The following OLFML2A variants were observed in gnomAD, a reference collection of about 807,000 sequenced individuals.
The protein encoded by OLFML2A is olfactomedin-like protein 2A.
Under a neutral mutation model 60.9 loss-of-function variants are expected in OLFML2A, and 47 were observed. The ratio of observed to expected loss-of-function variants is 0.77; its 90% CI spans 0.61 to 0.98. OLFML2A has a LOEUF of 0.98. Ranked by LOEUF, OLFML2A falls within the 50% of genes least tolerant of loss-of-function variation. OLFML2A has a pLI of 0.00. For synonymous variants in OLFML2A, 372 were observed against 375.0 expected (o/e 0.99, Z 0.09); for missense variants, 922 against 879.8 (o/e 1.05, Z -0.61).
Position 124,810,120 on chromosome 9 carries a change from G to T in OLFML2A, c.1667G>T (p.Gly556Val), listed in dbSNP as rs369456660. 6.2e-7 allele frequency: 1 copy of T among 1,613,680 alleles called. No individual in the cohort carries two copies. The highest frequency in any genetic ancestry group is 8.5e-7 in the Non-Finnish European group (1 of 1,180,018). ...ATCGTCCTGAGTCGCTTGGACCCCG[G>T]CGATCTCTCCGTGCACCGGGAGACC... ...EVIVLSRLDP[G>V]DLSVHRETTW... Residue 556 changes from glycine (G) to valine (V), a missense_variant, in exon 8 of 8, where the codon GGC becomes GTC. Transcript: ENST00000373580.
intron 7 of OLFML2A, 109 bp from the exon 8 acceptor site, chr9:124,809,699 T>A: frequency 7.8e-7 from 1 of 1,290,022 alleles, no homozygotes; most frequent in Non-Finnish European, 1.1e-6. Context: ...CTGCACATGC[T>A]TGGTATCAGT....
rs746470871 is a variant in OLFML2A, at chr9:124,801,445, G to A, written c.701G>A (p.Ser234Asn). The A allele has an allele frequency of 5.0e-6, 8 of 1,614,026 alleles. No individual in the cohort carries two copies. The African/African-American group carries it at 1.1e-4, about 22-fold the overall frequency. The change falls in exon 5 of 8, where the codon AGC becomes AAC. Residue 234 changes from serine (S) to asparagine (N), a missense_variant. Physicochemically the swap from Ser to Asn is conservative, Grantham distance 46. Transcript: ENST00000373580. ...DTARGKGKDI[S>N]KYGSVQKSFA... ...GCTAGAGGAAAAGGCAAGGACATCA[G>A]CAAGTATGGCAGTGTGCAGAAAAGC...
Position 124,786,749 on chromosome 9 carries a change from G to GACAC in OLFML2A, c.91-180_91-177dup, listed in dbSNP as rs3138850. 5.2e-3 allele frequency among the ~76,000 whole-genome samples: 681 copies of GACAC among 129,798 alleles called. 11 individuals are homozygous for GACAC. The highest frequency in any genetic ancestry group is 0.014 in the South Asian group (54 of 3,732). The allele number at this position is 129,798 out of a possible 152,430, so 85.2% of individuals were successfully genotyped here. On this transcript the variant is annotated intron_variant, in intron 1 of 7. Coordinates refer to ENST00000373580, the MANE Select transcript of OLFML2A (RefSeq NM_182487.4). ...AAAAAAAAATACACGCAGAGACGTAGACACACACACACACACACACACACA... is the reference window on the plus strand; with the variant it reads ...AAAAAAAAATACACGCAGAGACGTAGACACACACACACACACACACACACACACA...
intron 3 of OLFML2A, among the ~76,000 whole-genome samples, chr9:124,796,343 C>G (rs777926060): frequency 6.6e-6 from 1 of 152,172 alleles, no homozygotes; most frequent in African/African-American, 2.4e-5. Flanking sequence ...CAGGCCCTCC[C>G]GTTACTGGCT....
At chr9:124,786,900 C>G in intron 1 of OLFML2A, 75 bp from the exon 2 acceptor site, 2 of 1,500,276 alleles carry the variant, frequency 1.3e-6, no homozygotes, top group Non-Finnish European at 1.8e-6. Context: ...CTGGCTTCTG[C>G]CATCTCTCCC....
chr9:124,810,644 T>C lies in OLFML2A; in HGVS notation c.*232T>C. 1.8e-6 allele frequency: 1 copy of C among 568,114 alleles called. No individual in the cohort carries two copies. The highest frequency in any genetic ancestry group is 3.1e-6 in the Non-Finnish European group (1 of 318,932). 35.2% of individuals were successfully genotyped at this position (568,114 alleles called of 1,614,324 possible). A position where few individuals can be genotyped will look rare whatever the true frequency, so the allele number is the denominator to read the frequency against. ...CACACACTTACCCGTTTGATTCTCC[T>C]AGCACCTCCCTTGGAGGTAGAGATC... is the stretch of plus-strand genomic sequence containing the variant. On this transcript the variant is annotated 3_prime_UTR_variant, in exon 8 of 8. Transcript: ENST00000373580.
chr9:124,786,206 T>G (rs1369346683), intron 1 of OLFML2A, among the ~76,000 whole-genome samples: 1 of 152,074 alleles, frequency 6.6e-6, no homozygotes, highest in Non-Finnish European at 1.5e-5. Flanking sequence ...GAGGGTCACT[T>G]GAGCCCAGGA....
In OLFML2A at chr9:124,809,893, C is replaced by T. The variant is rs765802372; in HGVS notation, c.1440C>T (p.Arg480=). ...ACCAGGGCGCCTTCTACTACAACCG[C>T]GCCTTCACCAAGAACATCATCAAGT... is the stretch of plus-strand genomic sequence containing the variant. ...VVYQGAFYYN[R]AFTKNIIKYD... Residue 480 remains arginine, a synonymous_variant, in exon 8 of 8, where the codon CGC becomes CGT. Transcript: ENST00000373580. The T allele has an allele frequency of 3.1e-6, 5 of 1,614,086 alleles. No individual in the cohort carries two copies. Among genetic ancestry groups the T allele is most frequent in the Non-Finnish European group, 4.2e-6 (5 of 1,180,030 alleles).
chr9:124,796,325 G>A (rs1247800081), intron 3 of OLFML2A, among the ~76,000 whole-genome samples: 1 of 152,192 alleles, frequency 6.6e-6, no homozygotes, highest in Non-Finnish European at 1.5e-5. Flanking sequence ...TGTGCAGCTA[G>A]TACATTCCAG....
At chr9:124,806,966 T>C (rs1841906465) in intron 6 of OLFML2A, among the ~76,000 whole-genome samples, 2 of 151,784 alleles carry the variant, frequency 1.3e-5, no homozygotes, top group African/African-American at 4.8e-5. Flanking sequence ...TAGGTTGGAG[T>C]GCAGTGGTGT....
chr9:124,798,299 C>T (rs1169444830), intron 3 of OLFML2A, among the ~76,000 whole-genome samples: 7 of 151,954 alleles, frequency 4.6e-5, no homozygotes, highest in Non-Finnish European at 8.8e-5. Flanking sequence ...GTCAGGAGTT[C>T]AAGACCAGCC....
chr9:124,780,501 G>A (rs1000375878), intron 1 of OLFML2A, among the ~76,000 whole-genome samples: 11 of 152,222 alleles, frequency 7.2e-5, no homozygotes, highest in Admixed American at 3.3e-4. Flanking sequence ...GATGTTCCAG[G>A]CCAGGCTAGT....
chr9:124,785,307 G>T (rs1473377168), intron 1 of OLFML2A, among the ~76,000 whole-genome samples: 2 of 150,698 alleles, frequency 1.3e-5, no homozygotes, highest in African/African-American at 4.9e-5. Context: ...GGACATTTGG[G>T]TTGTTTCTAC....
At chr9:124,790,864 C>T (rs903124957) in intron 2 of OLFML2A, among the ~76,000 whole-genome samples, 19 of 152,278 alleles carry the variant, frequency 1.2e-4, no homozygotes, top group Admixed American at 1.1e-3. Flanking sequence ...GGCTGGGGCA[C>T]CTAGTCTGTA....
At position 124,804,084 on chromosome 9, in the gene OLFML2A, C is replaced by T; in HGVS notation, c.920-10C>T. ...GCTGAGATTTGAGCACAGGGGTCTT[C>T]TCTCTGCAGACAACACCCTCCAGGG... is the stretch of plus-strand genomic sequence containing the variant. On this transcript the variant is annotated splice_polypyrimidine_tract_variant and intron_variant, in intron 5 of 7. Coordinates refer to ENST00000373580, the MANE Select transcript of OLFML2A (RefSeq NM_182487.4). 1 of 1,613,590 alleles carries T rather than the reference C, an allele frequency of 6.2e-7. No homozygotes were observed. Among genetic ancestry groups the T allele is most frequent in the South Asian group, 1.1e-5 (1 of 91,026 alleles).
At chr9:124,798,608 C>T (rs1027406521) in intron 3 of OLFML2A, among the ~76,000 whole-genome samples, 3 of 149,960 alleles carry the variant, frequency 2.0e-5, no homozygotes, top group Non-Finnish European at 4.4e-5. Context: ...CCAAGGCGGG[C>T]GGATCACTTG....
chr9:124,786,947 C>A, intron 1 of OLFML2A, 28 bp from the exon 2 acceptor site: 1 of 1,592,960 alleles, frequency 6.3e-7, no homozygotes, highest in South Asian at 1.1e-5. Context: ...CAGCAACTCA[C>A]TGGAGCCCCT....
At position 124,807,932 on chromosome 9, in the gene OLFML2A, G is replaced by C. The variant is rs763888966; in HGVS notation, c.1320G>C (p.Leu440=). The C allele has an allele frequency of 6.2e-7, 1 of 1,614,034 alleles. No individual in the cohort carries two copies. Among genetic ancestry groups the C allele is most frequent in the African/African-American group, 1.3e-5 (1 of 74,930 alleles). The part of the protein sequence containing the change: ...YVTNYYYGNS[L]VEFRNLENFK... Reference sequence around the variant, plus strand: ...CCAACTACTACTATGGAAACAGCCTGGTGGAGTTCCGCAACCTGGAAAACT... The same window carrying C: ...CCAACTACTACTATGGAAACAGCCTCGTGGAGTTCCGCAACCTGGAAAACT... The change falls in exon 7 of 8, where the codon CTG becomes CTC. Residue 440 remains leucine, a synonymous_variant. Coordinates refer to ENST00000373580, the MANE Select transcript of OLFML2A (RefSeq NM_182487.4).
At chr9:124,786,360 C>T (rs2131247231) in intron 1 of OLFML2A, among the ~76,000 whole-genome samples, 1 of 151,806 alleles carries the variant, frequency 6.6e-6, no homozygotes, top group East Asian at 2.0e-4. Context: ...GAGGTCAAGG[C>T]TGCAGTGAGC....
Sources: gnomAD v4.1 joint callset for allele counts (sites outside exome capture counted in the v4.1 genomes callset) on GRCh38, gnomAD v4.1.1 for gene constraint, MANE v1.5 for transcripts, NCBI Gene and HGNC (gene_info 2026-07-23, HGNC 2026-07-21) for gene names.